The following ZNF565 variants were observed in gnomAD, a reference collection of about 807,000 sequenced individuals.
ZNF565 encodes the protein zinc finger protein 565.
In ZNF565, 27 loss-of-function variants were observed where a neutral mutation model predicts 39.4. That is an observed-to-expected ratio of 0.69 (90% CI 0.51 to 0.95). The LOEUF is 0.95. Ranked by LOEUF, ZNF565 falls within the 40% of genes least tolerant of loss-of-function variation. The pLI is 0.00. For synonymous variants in ZNF565, 185 were observed against 216.6 expected, an observed-to-expected ratio of 0.85 and a Z score of 1.28; for missense variants, 524 against 621.1, an observed-to-expected ratio of 0.84 and a Z score of 1.66.
chr19:36,237,860 G>A (rs1471889346), intron 1 of ZNF565: 1 of 166,988 alleles, frequency 6.0e-6, no homozygotes, highest in Non-Finnish European at 1.5e-5. Flanking sequence ...TGTTCTCCAA[G>A]GGGGAAAAAT....
chr19:36,194,932 T>G (rs1975702137), intron 3 of ZNF565, 98 bp downstream of exon 3: 9 of 1,577,062 alleles, frequency 5.7e-6, no homozygotes, highest in African/African-American at 5.4e-5. Flanking sequence ...GACAGTTTCC[T>G]CTCCTCACCC....
At position 36,199,917 on chromosome 19, in the gene ZNF565, TC is replaced by T. The variant is rs574642299; in HGVS notation, c.9+2059del. Among the ~76,000 whole-genome samples, 278 of 152,232 alleles carry T rather than the reference TC, an allele frequency of 1.8e-3. 1 individual carries two copies. The highest frequency in any genetic ancestry group is 3.2e-3 in the Non-Finnish European group (220 of 68,006). On this transcript the variant is annotated intron_variant, in intron 2 of 4. Coordinates refer to ENST00000304116, the MANE Select transcript of ZNF565 (RefSeq NM_152477.5). ...CTCAAGCGATCCTCCTACCTCAGCC[TC>T]CCAAAGTGCTGAAATTACAGGGTGA...
intron 1 of ZNF565, among the ~76,000 whole-genome samples, chr19:36,242,385 G>T (rs994385433): frequency 6.6e-6 from 1 of 151,598 alleles, no homozygotes; most frequent in South Asian, 2.1e-4. Context: ...CTCCAGCCTG[G>T]GTGGCAGAGC....
chr19:36,197,806 C>T (rs998689635), intron 2 of ZNF565, among the ~76,000 whole-genome samples: 1 of 152,082 alleles, frequency 6.6e-6, no homozygotes, highest in South Asian at 2.1e-4. Context: ...AAAAATGGAG[C>T]TACCTTGTGG....
intron 1 of ZNF565, among the ~76,000 whole-genome samples, chr19:36,242,039 T>C (rs1977810145): frequency 6.6e-6 from 1 of 152,250 alleles, no homozygotes; most frequent in South Asian, 2.1e-4. Flanking sequence ...TTGGATTTTG[T>C]AAACATTTAA....
In ZNF565 at chr19:36,182,640, A is replaced by C; in HGVS notation, c.1326T>G (p.Thr442=). Residue 442 remains threonine (T), a synonymous_variant, in exon 5 of 5, where the codon ACT becomes ACG. Transcript: ENST00000304116. ...CCCTGCATTCATAGGGTTTCTCACA[A>C]GTGTGAATTCGCTGATGATGAGTCA... ...SQLTHHQRIH[T]CEKPYECREC... The C allele has an allele frequency of 6.2e-7, 1 of 1,614,124 alleles. No homozygotes were observed. Among genetic ancestry groups the C allele is most frequent in the Non-Finnish European group, 8.5e-7 (1 of 1,179,964 alleles).
At chr19:36,190,942 A>C (rs1975512727) in intron 4 of ZNF565, among the ~76,000 whole-genome samples, 1 of 147,678 alleles carries the variant, frequency 6.8e-6, no homozygotes, top group African/African-American at 2.5e-5. Context: ...CAATGAGCTG[A>C]GATCGTGCCA....
chr19:36,195,889 G>A (rs1975742043), intron 2 of ZNF565, among the ~76,000 whole-genome samples: 1 of 149,912 alleles, frequency 6.7e-6, no homozygotes, highest in South Asian at 2.1e-4. Context: ...GTAGGGTCAG[G>A]TTTTGACAAG....
upstream of ZNF565, among the ~76,000 whole-genome samples, chr19:36,217,480 C>G (rs1452387194): frequency 6.6e-6 from 1 of 151,842 alleles, no homozygotes; most frequent in Non-Finnish European, 1.5e-5. Context: ...CATAGCTGTA[C>G]AAAAGAATGA....
intron 1 of ZNF565, among the ~76,000 whole-genome samples, chr19:36,204,239 C>T (rs186867256): frequency 2.4e-3 from 364 of 152,144 alleles, no homozygotes; most frequent in Non-Finnish European, 3.7e-3. Flanking sequence ...TGTGAGCCAC[C>T]GAGCCCAGCT....
rs187758980 is a variant in ZNF565, at chr19:36,187,082, C to T, written c.233-3349G>A. ...GCACATGCCTGTAATTCCAGCTACT[C>T]GGGAGGCTGAGGCAAGAGAATTGCT... On this transcript the variant is annotated intron_variant, in intron 4 of 4. Coordinates refer to ENST00000304116, the MANE Select transcript of ZNF565 (RefSeq NM_152477.5). Among the ~76,000 whole-genome samples the T allele has an allele frequency of 2.9e-3, 437 of 151,704 alleles. 1 individual carries two copies. Among genetic ancestry groups the T allele is most frequent in the Middle Eastern group, 6.8e-3 (2 of 294 alleles).
At chr19:36,203,032 C>A (rs1363123496) in intron 1 of ZNF565, among the ~76,000 whole-genome samples, 1 of 152,000 alleles carries the variant, frequency 6.6e-6, no homozygotes, top group Non-Finnish European at 1.5e-5. Flanking sequence ...CTACTGCTTT[C>A]ATTCTTTTTT....
At chr19:36,214,401 C>T (rs574272281) in intron 1 of ZNF565, among the ~76,000 whole-genome samples, 1 of 152,272 alleles carries the variant, frequency 6.6e-6, no homozygotes, top group African/African-American at 2.4e-5. Flanking sequence ...GTCACAAGGA[C>T]CCTGCACCCC....
chr19:36,208,132 CT>C (rs1976224018), intron 1 of ZNF565, among the ~76,000 whole-genome samples: 1 of 151,808 alleles, frequency 6.6e-6, no homozygotes, highest in African/African-American at 2.4e-5. Flanking sequence ...CCGATTCCAG[CT>C]CTATATGTCT....
At chr19:36,230,845 A>G (rs910087300) in intron 1 of ZNF565, among the ~76,000 whole-genome samples, 20 of 152,138 alleles carry the variant, frequency 1.3e-4, no homozygotes, top group African/African-American at 4.8e-4. Flanking sequence ...TCTGTCACCC[A>G]GGCTGGAGTA....
At position 36,223,585 on chromosome 19, in the gene ZNF565, G is replaced by A. The variant is rs946083842; in HGVS notation, c.56-21535C>T. Among the ~76,000 whole-genome samples the A allele has an allele frequency of 4.0e-5, 6 of 151,830 alleles. No individual in the cohort carries two copies. The East Asian group carries it at 1.2e-3, about 30-fold the overall frequency. Reference sequence around the variant, plus strand: ...TCACCATGTTAGCCAGGATGGTCTCGATCTCCTGACCTCGTGATCCGCCCG... The same window carrying A: ...TCACCATGTTAGCCAGGATGGTCTCAATCTCCTGACCTCGTGATCCGCCCG... On this transcript the variant is annotated intron_variant, in intron 1 of 4. Transcript: ENST00000355114.
upstream of ZNF565, among the ~76,000 whole-genome samples, chr19:36,215,493 C>T (rs1976562616): frequency 1.3e-5 from 2 of 152,162 alleles, no homozygotes; most frequent in South Asian, 4.1e-4. Flanking sequence ...TTGAGCTGCA[C>T]TTCCCTTGTC....
At position 36,188,506 on chromosome 19, in the gene ZNF565, G is replaced by T. The variant is rs927753335; in HGVS notation, c.233-4773C>A. On this transcript the variant is annotated intron_variant, in intron 4 of 4. Transcript: ENST00000304116. ...GCGTGCAGGTCAGTTGAGGTCAGGA[G>T]TTCGAGACCAGCCTGGCCAATGTGG... 3.3e-5 allele frequency among the ~76,000 whole-genome samples: 5 copies of T among 152,160 alleles called. No individual in the cohort carries two copies. The East Asian group carries it at 9.7e-4, about 29-fold the overall frequency.
At chr19:36,229,000 C>G (rs946867326) in intron 1 of ZNF565, among the ~76,000 whole-genome samples, 2 of 152,214 alleles carry the variant, frequency 1.3e-5, no homozygotes, top group African/African-American at 2.4e-5. Context: ...TCTTCTTTCA[C>G]CAGATTCTAG....
Sources: allele counts gnomAD v4.1 joint callset (sites outside exome capture counted in the v4.1 genomes callset), GRCh38; gene constraint gnomAD v4.1.1; transcripts MANE v1.5; gene names NCBI Gene and HGNC (gene_info 2026-07-23, HGNC 2026-07-21).